NIPAL2: variants seen among roughly 807,000 people sequenced by gnomAD.
NIPAL2 encodes the protein NIPA like domain containing 2.
A neutral mutation model predicts 48.9 loss-of-function variants in NIPAL2; 43 were observed. That is an observed-to-expected ratio of 0.88 (90% CI 0.69 to 1.13). NIPAL2 has a LOEUF of 1.13. Among genes scored for constraint, NIPAL2 ranks in the 50% most tolerant of loss-of-function variants. The pLI, the probability that NIPAL2 is intolerant of heterozygous loss-of-function variation, is 0.00. For synonymous variants in NIPAL2, 167 were observed against 174.6 expected (o/e 0.96, Z 0.34); for missense variants, 446 against 461.4 (o/e 0.97, Z 0.31).
At chr8:98,217,892 G>C (rs1811652436) in intron 5 of NIPAL2, among the ~76,000 whole-genome samples, 1 of 152,058 alleles carries the variant, frequency 6.6e-6, no homozygotes, top group African/African-American at 2.4e-5. Context: ...TAAAATTCCT[G>C]CTACGGGAAT....
intron 5 of NIPAL2, among the ~76,000 whole-genome samples, chr8:98,213,835 G>C (rs1360233065): frequency 6.6e-6 from 1 of 152,154 alleles, no homozygotes; most frequent in Non-Finnish European, 1.5e-5. Context: ...TCAGGTTGCT[G>C]TGGAGCATTT....
At chr8:98,249,197 C>T (rs1022495687) in intron 3 of NIPAL2, among the ~76,000 whole-genome samples, 4 of 152,106 alleles carry the variant, frequency 2.6e-5, no homozygotes, top group Admixed American at 6.5e-5. Context: ...AAACCTGTGT[C>T]GCCTTTAAAA....
chr8:98,267,987 T>C (rs1049088473), intron 1 of NIPAL2, among the ~76,000 whole-genome samples: 4 of 152,206 alleles, frequency 2.6e-5, no homozygotes, highest in Non-Finnish European at 5.9e-5. Context: ...AAGAAGATTG[T>C]CCTTTCTTCA....
rs552825418 is a variant in NIPAL2 at position 98,203,464 on chromosome 8, C to A, written c.792-268G>T. On this transcript the variant is annotated intron_variant, in intron 7 of 10. Transcript: ENST00000430223. ...AGGCCACAGAAGTTTGAGTTGGAAG[C>A]GATTCAAGCTGCTGGACCAGTATCA... Among the ~76,000 whole-genome samples, 3 of 152,222 alleles carry A rather than the reference C, an allele frequency of 2.0e-5. No individual in the cohort carries two copies. The South Asian group carries it at 6.2e-4, about 32-fold the overall frequency.
chr8:98,217,369 T>C, intron 5 of NIPAL2: 1 of 916,038 alleles, frequency 1.1e-6, no homozygotes, highest in Non-Finnish European at 1.3e-6. Context: ...GTGAGAAATA[T>C]AAAATGTATT....
chr8:98,210,332 T>C (rs1011697489), intron 6 of NIPAL2, among the ~76,000 whole-genome samples: 1 of 152,208 alleles, frequency 6.6e-6, no homozygotes, highest in Non-Finnish European at 1.5e-5. Context: ...TATGCTGCAA[T>C]TAAATCTTGG....
intron 1 of NIPAL2, among the ~76,000 whole-genome samples, chr8:98,273,022 C>T (rs145403061): frequency 1.3e-5 from 2 of 152,170 alleles, no homozygotes; most frequent in Non-Finnish European, 2.9e-5. Flanking sequence ...AAGAAATGAT[C>T]CAAGAGAAAT....
chr8:98,241,135 G>T (rs902776261), intron 3 of NIPAL2, among the ~76,000 whole-genome samples: 6 of 152,298 alleles, frequency 3.9e-5, no homozygotes, highest in Non-Finnish European at 8.8e-5. Flanking sequence ...TGGTCTATGT[G>T]TGTAGGTATA....
intron 1 of NIPAL2, 112 bp from the exon 2 acceptor site, chr8:98,254,199 C>T: frequency 2.7e-6 from 2 of 745,238 alleles, no homozygotes; most frequent in African/African-American, 1.8e-5. Context: ...TAGCCTAGCA[C>T]CCATTTCCCA....
chr8:98,193,651 T>C (rs1810401274), intron 10 of NIPAL2, among the ~76,000 whole-genome samples: 1 of 151,986 alleles, frequency 6.6e-6, no homozygotes, highest in African/African-American at 2.4e-5. Context: ...AAAACCCACC[T>C]CTGCTAAAAA....
chr8:98,195,902 A>C (rs761438890), intron 9 of NIPAL2, 40 bp downstream of exon 9: 2 of 1,403,026 alleles, frequency 1.4e-6, no homozygotes, highest in East Asian at 4.6e-5. Flanking sequence ...CGTAAAAGTA[A>C]TAGAATTTCA....
At chr8:98,262,236 C>G (rs1170886421) in intron 1 of NIPAL2, among the ~76,000 whole-genome samples, 3 of 152,058 alleles carry the variant, frequency 2.0e-5, no homozygotes, top group African/African-American at 7.2e-5. Context: ...AGCAAAATAA[C>G]CAGCTAACAT....
At chr8:98,267,279 G>A (rs1370464995) in intron 1 of NIPAL2, among the ~76,000 whole-genome samples, 2 of 150,776 alleles carry the variant, frequency 1.3e-5, no homozygotes, top group African/African-American at 2.4e-5. Flanking sequence ...CTCAGAAAAC[G>A]ACTTGACTTA....
Position 98,205,177 on chromosome 8 carries a change from T to G in NIPAL2, c.725A>C (p.Gln242Pro), listed in dbSNP as rs748963498. ...GATATAGAAAATGGGGTAAGTTAGT[T>G]GCATTTTATCCATCACAGAAAAAGT... ...MITFSVMDKM[Q>P]LTYPIFYIMF... is the part of the protein sequence containing the mutation. The change falls in exon 7 of 11, where the codon CAA (glutamine) becomes CCA (proline). Residue 242 changes from glutamine (Q) to proline (P), a missense_variant. Gln to Pro is a moderately conservative substitution (Grantham distance 76, BLOSUM62 -1). Transcript: ENST00000430223. 3.1e-6 allele frequency: 5 copies of G among 1,613,166 alleles called. No homozygotes were observed. In the South Asian group the frequency reaches 4.4e-5, roughly 14 times the overall value.
intron 1 of NIPAL2, among the ~76,000 whole-genome samples, chr8:98,291,017 C>T (rs1242825089): frequency 6.6e-6 from 1 of 152,150 alleles, no homozygotes; most frequent in Non-Finnish European, 1.5e-5. Flanking sequence ...TGGATTTAGT[C>T]CACAGCTGGC....
intron 5 of NIPAL2, 48 bp downstream of exon 5, chr8:98,222,431 G>T: frequency 6.3e-7 from 1 of 1,586,376 alleles, no homozygotes; most frequent in Non-Finnish European, 8.6e-7. Flanking sequence ...TGGACCAGTG[G>T]TCTGGATAAT....
chr8:98,261,095 C>G (rs1814294013), intron 1 of NIPAL2, among the ~76,000 whole-genome samples: 1 of 150,904 alleles, frequency 6.6e-6, no homozygotes, highest in South Asian at 2.1e-4. Context: ...AACTAACAAA[C>G]AGAAAGGACA....
chr8:98,207,191 G>T (rs186789487), intron 6 of NIPAL2, among the ~76,000 whole-genome samples: 1 of 152,100 alleles, frequency 6.6e-6, no homozygotes, highest in East Asian at 1.9e-4. Flanking sequence ...AATTGCAAAG[G>T]ACCTTAAAGG....
intron 4 of NIPAL2, among the ~76,000 whole-genome samples, chr8:98,232,923 T>C (rs901085441): frequency 3.9e-5 from 6 of 152,198 alleles, no homozygotes; most frequent in African/African-American, 1.4e-4. Context: ...AACATAGTAT[T>C]TGGCAAGAGT....
Sources: allele counts gnomAD v4.1 joint callset (sites outside exome capture counted in the v4.1 genomes callset), GRCh38; gene constraint gnomAD v4.1.1; transcripts MANE v1.5; gene names NCBI Gene and HGNC (gene_info 2026-07-23, HGNC 2026-07-21).